DOCK1: variants seen among roughly 807,000 people sequenced by gnomAD.
DOCK1 encodes the protein dedicator of cytokinesis 1, also known as dedicator of cytokinesis protein 1.
DOCK1 carries 138 observed loss-of-function variants against 262.7 expected under a neutral mutation model. The ratio of observed to expected loss-of-function variants is 0.53; its 90% CI spans 0.46 to 0.61. The LOEUF (loss-of-function observed/expected upper bound fraction) is 0.61. DOCK1 is among the 20% of genes least tolerant of loss of function. The pLI, the probability that DOCK1 is intolerant of heterozygous loss-of-function variation, is 0.00. For synonymous variants in DOCK1, 866 were observed against 867.4 expected (o/e 1.00, Z 0.03); for missense variants, 1,908 against 2,370.7 (o/e 0.80, Z 4.05).
chr10:127,357,090 C>G (rs1299570684), intron 32 of DOCK1, among the ~76,000 whole-genome samples: 1 of 152,176 alleles, frequency 6.6e-6, no homozygotes, highest in African/African-American at 2.4e-5. Flanking sequence ...TTGACTCACC[C>G]TGGCCCCTGA....
rs140187450 is a variant in DOCK1 at position 127,434,943 on chromosome 10, C to T, written c.5060+1515C>T. ...CTGGGATTACAGGTGTGAGCCACCG[C>T]GCCTGGCCAACGTCCACTTTCTATC... On this transcript the variant is annotated intron_variant, in intron 48 of 51. Coordinates refer to ENST00000623213, the MANE Select transcript of DOCK1 (RefSeq NM_001290223.2). Among the ~76,000 whole-genome samples, 468 of 152,154 alleles carry T rather than the reference C, an allele frequency of 3.1e-3. 6 individuals carry two copies. The East Asian group carries it at 0.063, about 20-fold the overall frequency.
intron 29 of DOCK1, among the ~76,000 whole-genome samples, chr10:127,264,480 A>G (rs1222215275): frequency 6.6e-6 from 1 of 152,244 alleles, no homozygotes; most frequent in Non-Finnish European, 1.5e-5. Flanking sequence ...AAAGGTTCAT[A>G]TAACATGAAT....
intron 1 of DOCK1, among the ~76,000 whole-genome samples, chr10:126,918,942 G>A (rs533319537): frequency 6.7e-6 from 1 of 149,508 alleles, no homozygotes; most frequent in Admixed American, 6.6e-5. Flanking sequence ...GAAAGTCAAG[G>A]TGCAGATGGG....
At chr10:126,989,980 C>A (rs1255932530) in intron 5 of DOCK1, among the ~76,000 whole-genome samples, 2 of 152,120 alleles carry the variant, frequency 1.3e-5, no homozygotes. Flanking sequence ...GAGCTGAGAG[C>A]GAGGCCGAGG....
rs547202517 is a variant in DOCK1, at chr10:127,437,310, G to A, written c.5061-1717G>A. Among the ~76,000 whole-genome samples, 2 of 152,274 alleles carry A rather than the reference G, an allele frequency of 1.3e-5. No individual in the cohort carries two copies. The highest frequency in any genetic ancestry group is 4.1e-4 in the South Asian group (2 of 4,824). Reference sequence around the variant, plus strand: ...TATTAGATGAGAGAAGCAAAGAATAGGTGGTGGTCCTTGCTCTGGGTAGTC... The same window carrying A: ...TATTAGATGAGAGAAGCAAAGAATAAGTGGTGGTCCTTGCTCTGGGTAGTC... On this transcript the variant is annotated intron_variant, in intron 48 of 51. Transcript: ENST00000623213. The surrounding 1 kb of genome is among the most constrained non-coding windows in gnomAD (Gnocchi z 4.4).
intron 29 of DOCK1, among the ~76,000 whole-genome samples, chr10:127,269,389 A>G (rs993162959): frequency 1.3e-5 from 2 of 152,202 alleles, no homozygotes; most frequent in African/African-American, 2.4e-5. Context: ...TTGTACATGT[A>G]TTGAGAAATT....
intron 29 of DOCK1, among the ~76,000 whole-genome samples, chr10:127,296,120 C>A (rs747796030): frequency 1.3e-5 from 2 of 152,188 alleles, no homozygotes; most frequent in Non-Finnish European, 2.9e-5. Flanking sequence ...GAGGCCTCTT[C>A]TTACTCAGAA....
At chr10:127,233,943 A>G (rs989007491) in intron 27 of DOCK1, among the ~76,000 whole-genome samples, 1 of 152,288 alleles carries the variant, frequency 6.6e-6, no homozygotes, top group Admixed American at 6.5e-5. Flanking sequence ...CTCTTGTTTT[A>G]TAATAATTTC....
chr10:127,287,206 C>CT (rs35427861), intron 29 of DOCK1, among the ~76,000 whole-genome samples: 25,178 of 142,908 alleles, frequency 0.18, 2,435 homozygotes, highest in East Asian at 0.36. Context: ...TGCGCCTGGC[C>CT]TTTTTTTTTT....
chr10:126,976,387 C>T (rs1341278673), intron 2 of DOCK1, among the ~76,000 whole-genome samples: 1 of 152,174 alleles, frequency 6.6e-6, no homozygotes, highest in Non-Finnish European at 1.5e-5. Context: ...TTGCCAGAGT[C>T]CTGGCAGTTT....
chr10:127,206,395 C>T (rs2489428), intron 27 of DOCK1, among the ~76,000 whole-genome samples: 77,991 of 152,028 alleles, frequency 0.51, 21,213 homozygotes, highest in East Asian at 0.69. Flanking sequence ...CTGCCCACCT[C>T]GGCCTCCCAA....
intron 29 of DOCK1, among the ~76,000 whole-genome samples, chr10:127,283,161 G>A (rs962749740): frequency 6.6e-6 from 1 of 152,230 alleles, no homozygotes; most frequent in Non-Finnish European, 1.5e-5. Flanking sequence ...AGTTCTGCTC[G>A]GCTGCCTTGA....
chr10:127,320,019 C>T (rs2135556760), intron 29 of DOCK1, among the ~76,000 whole-genome samples: 1 of 152,272 alleles, frequency 6.6e-6, no homozygotes, highest in Non-Finnish European at 1.5e-5. Flanking sequence ...ATGGAATCTG[C>T]CTCGTGGGCT....
chr10:126,981,001 G>A (rs1177730096), intron 3 of DOCK1, among the ~76,000 whole-genome samples: 1 of 148,688 alleles, frequency 6.7e-6, no homozygotes, highest in Non-Finnish European at 1.5e-5. Context: ...AGGCTGGAGC[G>A]CAGTGGCGGG....
At chr10:127,222,634 TTGTGTTGTG>T (rs2058482112) in intron 27 of DOCK1, among the ~76,000 whole-genome samples, 2 of 12,826 alleles carry the variant, frequency 1.6e-4, no homozygotes, top group African/African-American at 3.6e-4. Context: ...TTGTTTTGTG[TTGTGTTGTG>T]TTGTGTTGTG....
At chr10:127,202,472 A>T (rs1461300827) in intron 27 of DOCK1, among the ~76,000 whole-genome samples, 1 of 151,896 alleles carries the variant, frequency 6.6e-6, no homozygotes, top group Non-Finnish European at 1.5e-5. Flanking sequence ...TTCTTTAGGG[A>T]GCTGCTGCAG....
In DOCK1 at chr10:126,905,470, C is replaced by T; in HGVS notation, c.-48C>T. 1 of 513,574 alleles carries T rather than the reference C, an allele frequency of 1.9e-6. No homozygotes were observed. The highest frequency in any genetic ancestry group is 3.6e-6 in the Non-Finnish European group (1 of 278,280). 31.8% of individuals were successfully genotyped at this position (513,574 alleles called of 1,614,324 possible). ...GCTCGAAAGGAATGGAAAATGGCGG[C>T]CTAGACGCGGAGTTTCCTGCCCGAC... On this transcript the variant is annotated 5_prime_UTR_variant, in exon 1 of 52. Transcript: ENST00000623213.
intron 2 of DOCK1, 52 bp downstream of exon 2, chr10:126,970,837 C>G (rs2038050233): frequency 1.3e-6 from 2 of 1,579,134 alleles, no homozygotes; most frequent in Non-Finnish European, 1.7e-6. Flanking sequence ...AGATGGCACA[C>G]CTTCTCAGTG....
At chr10:127,162,534 C>CT (rs1444846798) in intron 27 of DOCK1, among the ~76,000 whole-genome samples, 2 of 152,248 alleles carry the variant, frequency 1.3e-5, no homozygotes, top group African/African-American at 4.8e-5. Flanking sequence ...TTCTCTTTAC[C>CT]TTACTTTTTT....
Sources: gnomAD v4.1 joint callset for allele counts (sites outside exome capture counted in the v4.1 genomes callset) on GRCh38, gnomAD v4.1.1 for gene constraint, Gnocchi (gnomAD v3.1) non-coding constraint, MANE v1.5 for transcripts, NCBI Gene and HGNC (gene_info 2026-07-23, HGNC 2026-07-21) for gene names.